Variants in CHKA observed in about 807,000 individuals in gnomAD.
CHKA encodes CHETK-alpha.
A neutral mutation model predicts 60.1 loss-of-function variants in CHKA; 34 were observed. The observed-to-expected ratio is 0.57, with a 90% confidence interval of 0.43 to 0.75. The LOEUF is 0.75. Among genes scored for constraint, CHKA ranks in the 30% least tolerant of loss-of-function variants. The probability of loss-of-function intolerance (pLI) is 0.00; values close to 1 mark genes in which losing one functional copy is unlikely to be tolerated. For synonymous variants in CHKA, 217 were observed against 223.1 expected, an observed-to-expected ratio of 0.97 and a Z score of 0.24; for missense variants, 563 against 561.3, an observed-to-expected ratio of 1.00 and a Z score of -0.03.
At chr11:68,084,964 T>C (rs1015817511) in intron 2 of CHKA, among the ~76,000 whole-genome samples, 2 of 152,172 alleles carry the variant, frequency 1.3e-5, no homozygotes, top group African/African-American at 2.4e-5. Flanking sequence ...CAATTATGCC[T>C]AAGACACCCA....
chr11:68,088,743 T>A (rs879574809), intron 2 of CHKA, among the ~76,000 whole-genome samples: 9 of 152,212 alleles, frequency 5.9e-5, no homozygotes, highest in Non-Finnish European at 1.3e-4. Flanking sequence ...CTTGCTTTTA[T>A]GGTTTCTTAC....
chr11:68,106,848 T>C (rs1857933124), intron 1 of CHKA, among the ~76,000 whole-genome samples: 1 of 152,186 alleles, frequency 6.6e-6, no homozygotes. Context: ...TGGGGCCAGG[T>C]CATTCTTTGC....
rs1555009428 is a variant in CHKA, at chr11:68,084,325, T to TAC, written c.463-2870_463-2869dup. 1.1e-4 allele frequency among the ~76,000 whole-genome samples: 15 copies of TAC among 140,114 alleles called. No individual in the cohort carries two copies. The East Asian group carries it at 1.2e-3, about 11-fold the overall frequency. The allele number at this position is 140,114 out of a possible 152,430, so 91.9% of individuals were successfully genotyped here. ...ATGTGTATATACATGTGTATATATATACACATATACGTATATATATGTGTA... is the reference window on the plus strand; with the variant it reads ...ATGTGTATATACATGTGTATATATATACACACATATACGTATATATATGTGTA... On this transcript the variant is annotated intron_variant, in intron 2 of 11. Transcript: ENST00000265689.
At chr11:68,106,805 C>T (rs1340441747) in intron 1 of CHKA, among the ~76,000 whole-genome samples, 3 of 152,208 alleles carry the variant, frequency 2.0e-5, no homozygotes, top group African/African-American at 4.8e-5. Flanking sequence ...AAGAATTCTA[C>T]TCCAGCACGG....
chr11:68,081,499 A>C, intron 2 of CHKA, 42 bp from the exon 3 acceptor site: 1 of 1,495,292 alleles, frequency 6.7e-7, no homozygotes, highest in South Asian at 1.1e-5. Context: ...GAGATGGGGA[A>C]CACTAAACAG....
intron 3 of CHKA, among the ~76,000 whole-genome samples, chr11:68,077,481 GA>G (rs1292255655): frequency 6.6e-6 from 1 of 152,178 alleles, no homozygotes; most frequent in Non-Finnish European, 1.5e-5. Context: ...ACAGTGGAGG[GA>G]AAATTGGTCC....
intron 1 of CHKA, among the ~76,000 whole-genome samples, chr11:68,119,822 G>T (rs569774686): frequency 6.6e-6 from 1 of 152,254 alleles, no homozygotes; most frequent in East Asian, 1.9e-4. Flanking sequence ...ACGTTGAATG[G>T]TTATGTCTTC....
At chr11:68,070,396 G>GT in intron 5 of CHKA, 103 bp from the exon 6 acceptor site, 1 of 884,318 alleles carries the variant, frequency 1.1e-6, no homozygotes, top group Non-Finnish European at 1.8e-6. Context: ...TCCCAGCGCA[G>GT]TCACAATGCC....
intron 1 of CHKA, among the ~76,000 whole-genome samples, chr11:68,099,356 A>C (rs988919597): frequency 6.6e-5 from 10 of 152,276 alleles, no homozygotes; most frequent in Non-Finnish European, 1.3e-4. Context: ...CCAAATAAAA[A>C]ATTTGAATGT....
intron 1 of CHKA, among the ~76,000 whole-genome samples, chr11:68,097,891 T>C (rs553604529): frequency 6.6e-6 from 1 of 152,122 alleles, no homozygotes; most frequent in Non-Finnish European, 1.5e-5. Flanking sequence ...CCCAGGCATA[T>C]GGCTCGAGTC....
rs765020510 is a variant in CHKA, at chr11:68,065,825, GA to G, written c.1085del (p.Phe362SerfsTer40). On this transcript the variant is annotated frameshift_variant, in exon 9 of 12. Transcript: ENST00000265689. LOFTEE classifies it high-confidence loss of function. ...TGGGATACTTCCGGATGTTTGCTCT[GA>G]AAAAAGGGTATTTTTCATAGCTATA... ...YDYSYEKYPF[F>X]RANIRKYPTK... is the part of the protein sequence containing the mutation. 1.9e-6 allele frequency: 3 copies of G among 1,605,352 alleles called. No homozygotes were observed. The highest frequency in any genetic ancestry group is 3.3e-5 in the Admixed American group (2 of 59,848).
chr11:68,063,693 C>A (rs930248781), intron 10 of CHKA, among the ~76,000 whole-genome samples: 1 of 152,044 alleles, frequency 6.6e-6, no homozygotes, highest in African/African-American at 2.4e-5. Context: ...AGGGAGGGAC[C>A]TGGCAGGAGG....
chr11:68,053,377 C>T lies in CHKA; in HGVS notation c.*611G>A, dbSNP rs964987546. 2.0e-5 allele frequency: 3 copies of T among 153,002 alleles called. No individual in the cohort carries two copies. The highest frequency in any genetic ancestry group is 2.1e-4 in the South Asian group (1 of 4,860). 9.5% of individuals were successfully genotyped at this position (153,002 alleles called of 1,614,324 possible). A position where few individuals can be genotyped will look rare whatever the true frequency, so the allele number is the denominator to read the frequency against. ...CGCCCAGCAGGAGGGGAGAGCTCTG[C>T]TCCACACGCTGGCGGCCTTGGCTGC... On this transcript the variant is annotated 3_prime_UTR_variant, in exon 12 of 12. Coordinates refer to ENST00000265689, the MANE Select transcript of CHKA (RefSeq NM_001277.3).
rs79851828 is a variant in CHKA, at chr11:68,066,915, C to A, written c.929-399G>T. Reference sequence around the variant, plus strand: ...ACTTGGTTTGCTGTCTGCAGGCCAGCTGGCTGCAGCACTCCAGCTGGGAAG... The same window carrying A: ...ACTTGGTTTGCTGTCTGCAGGCCAGATGGCTGCAGCACTCCAGCTGGGAAG... On this transcript the variant is annotated intron_variant, in intron 7 of 11. Transcript: ENST00000265689. Among the ~76,000 whole-genome samples, 970 of 152,346 alleles carry A rather than the reference C, an allele frequency of 6.4e-3. 10 individuals are homozygous for A. The highest frequency in any genetic ancestry group is 0.022 in the African/African-American group (907 of 41,580).
intron 2 of CHKA, among the ~76,000 whole-genome samples, chr11:68,082,841 A>G (rs1457100476): frequency 6.6e-6 from 1 of 152,230 alleles, no homozygotes; most frequent in African/African-American, 2.4e-5. Context: ...GGGATTTATG[A>G]TATTTTCATT....
Position 68,068,899 on chromosome 11 carries a change from C to T in CHKA, c.908G>A (p.Cys303Tyr). The change falls in exon 7 of 12, where the codon TGT (cysteine) becomes TAT (tyrosine). Residue 303 changes from cysteine (C) to tyrosine (Y), a missense_variant. Cys to Tyr is a radical substitution (Grantham distance 194). Coordinates refer to ENST00000265689, the MANE Select transcript of CHKA (RefSeq NM_001277.3). ...CTTACCTTCTTGACAGTCATTATGA[C>T]AAAATACAACTGGAGATGGAGTAGA... ...LESTPSPVVF[C>Y]HNDCQEGNIL... The T allele has an allele frequency of 1.2e-6, 2 of 1,612,490 alleles. No individual in the cohort carries two copies. The highest frequency in any genetic ancestry group is 1.7e-6 in the Non-Finnish European group (2 of 1,178,958).
chr11:68,054,145 C>T lies in CHKA; in HGVS notation c.1315-98G>A, dbSNP rs181456286. On this transcript the variant is annotated intron_variant, in intron 11 of 11. Coordinates refer to ENST00000265689, the MANE Select transcript of CHKA (RefSeq NM_001277.3). Reference sequence around the variant, plus strand: ...CCCCACCCCAGGCAAGAGCTGAGGGCACGGACCCATGAGACCAAAAGCACA... The same window carrying T: ...CCCCACCCCAGGCAAGAGCTGAGGGTACGGACCCATGAGACCAAAAGCACA... 1,322 of 1,043,704 alleles carry T rather than the reference C, an allele frequency of 1.3e-3. 11 individuals carry two copies. In the African/African-American group the frequency reaches 0.018, roughly 14 times the overall value. 64.7% of individuals were successfully genotyped at this position (1,043,704 alleles called of 1,614,324 possible). A position where few individuals can be genotyped will look rare whatever the true frequency, so the allele number is the denominator to read the frequency against.
chr11:68,105,566 A>G (rs2153027581), intron 1 of CHKA, among the ~76,000 whole-genome samples: 1 of 150,956 alleles, frequency 6.6e-6, no homozygotes, highest in Non-Finnish European at 1.5e-5. Flanking sequence ...GAAATATGCC[A>G]TCTCTAATGT....
At chr11:68,116,421 A>C (rs1858384418) in intron 1 of CHKA, among the ~76,000 whole-genome samples, 1 of 152,078 alleles carries the variant, frequency 6.6e-6, no homozygotes, top group Non-Finnish European at 1.5e-5. Context: ...AAATACAAAA[A>C]TTAGCCAGGT....
Sources: allele counts gnomAD v4.1 joint callset (sites outside exome capture counted in the v4.1 genomes callset), GRCh38; gene constraint gnomAD v4.1.1; transcripts MANE v1.5; gene names NCBI Gene and HGNC (gene_info 2026-07-23, HGNC 2026-07-21).